Variants in RAP1B observed in about 807,000 individuals in gnomAD.
RAP1B encodes ras-related protein Rap-1b.
RAP1B carries 1 observed loss-of-function variant against 27.5 expected under a neutral mutation model. The ratio of observed to expected loss-of-function variants is 0.04; its 90% CI spans 0.01 to 0.17. The LOEUF is 0.17. RAP1B is among the 10% of genes least tolerant of loss of function. The probability of loss-of-function intolerance (pLI) is 1.00; values close to 1 mark genes in which losing one functional copy is unlikely to be tolerated. For missense variants in RAP1B, 84 were observed against 214.8 expected (o/e 0.39, Z 3.81); for synonymous variants, 75 against 73.1 (o/e 1.03, Z -0.13).
rs1487175708 is a variant in RAP1B at position 68,666,388 on chromosome 12, A to G, written c.*7139A>G. The G allele has an allele frequency of 6.6e-6, 1 of 152,038 alleles. No homozygotes were observed. The highest frequency in any genetic ancestry group is 6.6e-5 in the Admixed American group (1 of 15,246). The allele number at this position is 152,038 out of a possible 1,614,324, so 9.4% of individuals were successfully genotyped here. A position where few individuals can be genotyped will look rare whatever the true frequency, so the allele number is the denominator to read the frequency against. On this transcript the variant is annotated 3_prime_UTR_variant, in exon 8 of 8. Coordinates refer to ENST00000250559, the MANE Select transcript of RAP1B (RefSeq NM_001010942.3). ...TTTCCTAGGGCTGCTGTAACAAATT[A>G]TCACAAATTTGGTGGCTTAAAGCAA... is the stretch of plus-strand genomic sequence containing the variant.
chr12:68,628,581 T>TA (rs1871994491), intron 1 of RAP1B, among the ~76,000 whole-genome samples: 1 of 152,028 alleles, frequency 6.6e-6, no homozygotes, highest in Non-Finnish European at 1.5e-5. Flanking sequence ...AGAAAATGAG[T>TA]GGTATCCTTG....
At position 68,662,718 on chromosome 12, in the gene RAP1B, G is replaced by C. The variant is rs1371359877; in HGVS notation, c.*3469G>C. On this transcript the variant is annotated 3_prime_UTR_variant, in exon 8 of 8. Transcript: ENST00000250559. ...TTAGAAGCCTTAAAAGTGCTTGCAG[G>C]CTTGTCTCATAATCTGTCAGTGAGC... The C allele has an allele frequency of 6.6e-6, 1 of 151,968 alleles. No individual in the cohort carries two copies. Among genetic ancestry groups the C allele is most frequent in the Non-Finnish European group, 1.5e-5 (1 of 67,992 alleles). 9.4% of individuals were successfully genotyped at this position (151,968 alleles called of 1,614,324 possible).
intron 1 of RAP1B, among the ~76,000 whole-genome samples, chr12:68,632,024 T>A (rs1391898040): frequency 6.6e-6 from 1 of 152,022 alleles, no homozygotes; most frequent in Admixed American, 6.5e-5. Context: ...TAGCCATCTT[T>A]TTTGCATATC....
chr12:68,625,110 A>G (rs1651186365), intron 1 of RAP1B, among the ~76,000 whole-genome samples: 1 of 152,226 alleles, frequency 6.6e-6, no homozygotes, highest in Admixed American at 6.5e-5. Flanking sequence ...TTGCCATGAT[A>G]GGCATTTTTT....
chr12:68,630,736 G>C (rs1872174236), intron 1 of RAP1B, among the ~76,000 whole-genome samples: 1 of 151,780 alleles, frequency 6.6e-6, no homozygotes, highest in African/African-American at 2.4e-5. Flanking sequence ...AGAGTGAAGT[G>C]GCGCTGTCAC....
At chr12:68,651,315 A>C (rs1873798611) in intron 3 of RAP1B, among the ~76,000 whole-genome samples, 1 of 151,578 alleles carries the variant, frequency 6.6e-6, no homozygotes, top group Non-Finnish European at 1.5e-5. Context: ...TCTATGAAGC[A>C]GCCAACCTGG....
chr12:68,632,125 A>ATTTT, intron 1 of RAP1B, among the ~76,000 whole-genome samples: 1 of 107,142 alleles, frequency 9.3e-6, no homozygotes, highest in African/African-American at 4.6e-5. Flanking sequence ...TGGGTTTTGG[A>ATTTT]TTTGTTTTTT....
intron 1 of RAP1B, among the ~76,000 whole-genome samples, chr12:68,645,722 AG>A (rs1309275094): frequency 1.3e-5 from 2 of 152,368 alleles, no homozygotes; most frequent in East Asian, 3.9e-4. Context: ...AGTCAGTCAG[AG>A]TTGGCATTCG....
At chr12:68,618,161 C>T (rs561060548) in intron 1 of RAP1B, among the ~76,000 whole-genome samples, 186 of 131,488 alleles carry the variant, frequency 1.4e-3, no homozygotes, top group Non-Finnish European at 2.2e-3. Context: ...AATCTTCGCT[C>T]AGTGCAACCT....
rs1370060187 is a variant in RAP1B at position 68,665,688 on chromosome 12, G to C, written c.*6439G>C. The stretch of plus-strand genomic sequence containing the variant: ...CTAAAATGCTTATTTTTATCTCTCT[G>C]TATATACTTGGTGGTGAATTTGCTA... On this transcript the variant is annotated 3_prime_UTR_variant, in exon 8 of 8. Coordinates refer to ENST00000250559, the MANE Select transcript of RAP1B (RefSeq NM_001010942.3). The C allele has an allele frequency of 1.3e-5, 2 of 152,032 alleles. No individual in the cohort carries two copies. Among genetic ancestry groups the C allele is most frequent in the Admixed American group, 1.3e-4 (2 of 15,254 alleles). 9.4% of individuals were successfully genotyped at this position (152,032 alleles called of 1,614,324 possible). A position where few individuals can be genotyped will look rare whatever the true frequency, so the allele number is the denominator to read the frequency against.
rs1874693853 is a variant in RAP1B, at chr12:68,663,110, C to G, written c.*3861C>G. ...CTGAGTTTCGCTCTTGTTGCCCAGG[C>G]TGGCGTACAGTGGTGCGATCTTGGC... On this transcript the variant is annotated 3_prime_UTR_variant, in exon 8 of 8. Coordinates refer to ENST00000250559, the MANE Select transcript of RAP1B (RefSeq NM_001010942.3). 1 of 151,102 alleles carries G rather than the reference C, an allele frequency of 6.6e-6. No homozygotes were observed. Among genetic ancestry groups the G allele is most frequent in the Non-Finnish European group, 1.5e-5 (1 of 68,008 alleles). 9.4% of individuals were successfully genotyped at this position (151,102 alleles called of 1,614,324 possible). A position where few individuals can be genotyped will look rare whatever the true frequency, so the allele number is the denominator to read the frequency against.
Position 68,663,646 on chromosome 12 carries a change from A to G in RAP1B, c.*4397A>G, listed in dbSNP as rs1324895161. The G allele has an allele frequency of 1.3e-5, 2 of 152,232 alleles. No individual in the cohort carries two copies. The allele number at this position is 152,232 out of a possible 1,614,324, so 9.4% of individuals were successfully genotyped here. On this transcript the variant is annotated 3_prime_UTR_variant, in exon 8 of 8. Coordinates refer to ENST00000250559, the MANE Select transcript of RAP1B (RefSeq NM_001010942.3). Reference sequence around the variant, plus strand: ...AAGTATTCCATGTTACACACATTTTAAACTTGCTTCTTAAAACATCCCTGT... The same window carrying G: ...AAGTATTCCATGTTACACACATTTTGAACTTGCTTCTTAAAACATCCCTGT...
Position 68,664,764 on chromosome 12 carries a change from G to A in RAP1B, c.*5515G>A, listed in dbSNP as rs1200469392. The A allele has an allele frequency of 6.6e-6, 1 of 152,110 alleles. No homozygotes were observed. The highest frequency in any genetic ancestry group is 1.9e-4 in the East Asian group (1 of 5,196). The allele number at this position is 152,110 out of a possible 1,614,324, so 9.4% of individuals were successfully genotyped here. On this transcript the variant is annotated 3_prime_UTR_variant, in exon 8 of 8. Coordinates refer to ENST00000250559, the MANE Select transcript of RAP1B (RefSeq NM_001010942.3). ...CTGGCAAGGTGTTTAACAAGTCAATGATGGGAAAGACCAGTCAAATAAACT... is the reference window on the plus strand; with the variant it reads ...CTGGCAAGGTGTTTAACAAGTCAATAATGGGAAAGACCAGTCAAATAAACT...
intron 1 of RAP1B, among the ~76,000 whole-genome samples, chr12:68,616,003 G>A (rs1036077474): frequency 1.3e-5 from 2 of 150,150 alleles, no homozygotes; most frequent in Admixed American, 1.3e-4. Flanking sequence ...CCACTCTGTC[G>A]CCCAGGCTGG....
chr12:68,640,291 A>C (rs577515979), intron 1 of RAP1B, among the ~76,000 whole-genome samples: 1 of 152,142 alleles, frequency 6.6e-6, no homozygotes, highest in Non-Finnish European at 1.5e-5. Context: ...ACCACCCCAT[A>C]TAAAACCATC....
In RAP1B at chr12:68,671,567, A is replaced by T. The variant is rs1351171750; in HGVS notation, c.*12318A>T. ...CAGAATACCGAGAAGGATGTATGTG[A>T]GGGATGCATGTGGGCACCTGGGAAA... On this transcript the variant is annotated 3_prime_UTR_variant, in exon 8 of 8. Coordinates refer to ENST00000250559, the MANE Select transcript of RAP1B (RefSeq NM_001010942.3). 4 of 152,214 alleles carry T rather than the reference A, an allele frequency of 2.6e-5. No homozygotes were observed. The highest frequency in any genetic ancestry group is 2.6e-4 in the Admixed American group (4 of 15,264). 9.4% of individuals were successfully genotyped at this position (152,214 alleles called of 1,614,324 possible).
chr12:68,642,337 TA>T (rs752969138), intron 1 of RAP1B, among the ~76,000 whole-genome samples: 7 of 151,334 alleles, frequency 4.6e-5, no homozygotes, highest in Admixed American at 2.0e-4. Flanking sequence ...AGAATGATAT[TA>T]AAAAAAAAGT....
intron 1 of RAP1B, among the ~76,000 whole-genome samples, chr12:68,617,735 G>A (rs28612379): frequency 0.065 from 9,816 of 152,078 alleles, 799 homozygotes; most frequent in African/African-American, 0.2. Context: ...TATTACTCAT[G>A]AATGTTTCAT....
At position 68,627,448 on chromosome 12, in the gene RAP1B, A is replaced by C. The variant is rs1209023332; in HGVS notation, c.-27+16405A>C. 14 of 377,564 alleles carry C rather than the reference A, an allele frequency of 3.7e-5. No individual in the cohort carries two copies. In the Admixed American group the frequency reaches 5.3e-4, roughly 14 times the overall value. The allele number at this position is 377,564 out of a possible 1,614,324, so 23.4% of individuals were successfully genotyped here. ...GAGAGATTTTACTAATAATAGTGTT[A>C]GGAGTATAAATGGTTTGGTAGCCAA... On this transcript the variant is annotated intron_variant, in intron 1 of 7. Coordinates refer to ENST00000250559, the MANE Select transcript of RAP1B (RefSeq NM_001010942.3).
Sources: gnomAD v4.1 joint callset for allele counts (sites outside exome capture counted in the v4.1 genomes callset) on GRCh38, gnomAD v4.1.1 for gene constraint, MANE v1.5 for transcripts, NCBI Gene and HGNC (gene_info 2026-07-23, HGNC 2026-07-21) for gene names.